Variants in PLCE1 observed in about 807,000 individuals in gnomAD.
The protein encoded by PLCE1 is phospholipase C epsilon 1.
Under a neutral mutation model 242.8 loss-of-function variants are expected in PLCE1, and 119 were observed. The ratio of observed to expected loss-of-function variants is 0.49; its 90% CI spans 0.42 to 0.57. The LOEUF (loss-of-function observed/expected upper bound fraction) is 0.57, where lower values mean the gene tolerates loss of function less well. Among genes scored for constraint, PLCE1 ranks in the 20% least tolerant of loss-of-function variants. The pLI, the probability that PLCE1 is intolerant of heterozygous loss-of-function variation, is 0.00. For synonymous variants in PLCE1, 945 were observed against 1,017.4 expected (o/e 0.93, Z 1.35); for missense variants, 2,441 against 2,788.8 (o/e 0.88, Z 2.81).
intron 1 of PLCE1, among the ~76,000 whole-genome samples, chr10:94,028,374 G>A (rs2061492954): frequency 6.6e-6 from 1 of 152,142 alleles, no homozygotes. Flanking sequence ...TTTCCACAGG[G>A]ATCTCTTCTT....
At chr10:94,227,481 G>C (rs1375751082) in intron 5 of PLCE1, 30 bp downstream of exon 5, 1 of 1,604,366 alleles carries the variant, frequency 6.2e-7, no homozygotes, top group Admixed American at 1.7e-5. Context: ...TGGTTATCTT[G>C]GCACAATCGC....
chr10:94,208,239 A>G (rs1460004409), intron 4 of PLCE1, among the ~76,000 whole-genome samples: 1 of 152,230 alleles, frequency 6.6e-6, no homozygotes, highest in Non-Finnish European at 1.5e-5. Flanking sequence ...AAAGTTCCAC[A>G]TCCTGTACCC....
At chr10:94,119,070 C>T (rs2046226344) in intron 2 of PLCE1, among the ~76,000 whole-genome samples, 1 of 152,196 alleles carries the variant, frequency 6.6e-6, no homozygotes, top group South Asian at 2.1e-4. Context: ...CTCGCCCACC[C>T]TGTGGGATGC....
chr10:94,324,847 C>T, intron 31 of PLCE1, 45 bp from the exon 32 acceptor site: 2 of 1,573,824 alleles, frequency 1.3e-6, no homozygotes, highest in Non-Finnish European at 1.7e-6. Flanking sequence ...GACAGAGGAA[C>T]CTGAGTTTAA....
intron 4 of PLCE1, among the ~76,000 whole-genome samples, chr10:94,214,632 G>A (rs973915368): frequency 4.6e-5 from 7 of 152,198 alleles, no homozygotes; most frequent in East Asian, 3.9e-4. Context: ...ATTCCCTTCC[G>A]CTCTGTCCTT....
At chr10:94,020,137 G>T (rs1032122390) in intron 1 of PLCE1, among the ~76,000 whole-genome samples, 21 of 152,288 alleles carry the variant, frequency 1.4e-4, no homozygotes, top group South Asian at 6.2e-4. Flanking sequence ...CAATGTTGCA[G>T]TTGCTCTATG....
intron 2 of PLCE1, among the ~76,000 whole-genome samples, chr10:94,072,927 G>A (rs2044401491): frequency 6.6e-6 from 1 of 152,084 alleles, no homozygotes; most frequent in African/African-American, 2.4e-5. Context: ...TGCTGATGGG[G>A]GAGAGGGTGT....
chr10:94,016,125 A>C (rs374265734), intron 1 of PLCE1, among the ~76,000 whole-genome samples: 173 of 152,236 alleles, frequency 1.1e-3, no homozygotes, highest in African/African-American at 3.9e-3. Flanking sequence ...ATTTTCCATG[A>C]TCGCCTCCTT....
chr10:94,051,095 C>T (rs976850605), intron 2 of PLCE1, among the ~76,000 whole-genome samples: 4 of 151,896 alleles, frequency 2.6e-5, no homozygotes, highest in African/African-American at 9.7e-5. Context: ...ACTACTTTTT[C>T]AGATTAAGGA....
At chr10:94,115,166 A>G (rs1028232939) in intron 2 of PLCE1, among the ~76,000 whole-genome samples, 1 of 151,694 alleles carries the variant, frequency 6.6e-6, no homozygotes, top group East Asian at 1.9e-4. Context: ...CCAGTCTATC[A>G]TTGTTGGACA....
At chr10:94,079,163 T>C (rs897526115) in intron 2 of PLCE1, among the ~76,000 whole-genome samples, 2 of 152,218 alleles carry the variant, frequency 1.3e-5, no homozygotes, top group Non-Finnish European at 1.5e-5. Context: ...CTCAAGGGGC[T>C]ACACTTGGAC....
chr10:94,179,533 CAG>C (rs2048241234), intron 4 of PLCE1, among the ~76,000 whole-genome samples: 1 of 6,436 alleles, frequency 1.6e-4, no homozygotes, highest in African/African-American at 3.5e-4. Context: ...TTTTTTTTGA[CAG>C]GGTCTCTGTT....
At position 94,234,143 on chromosome 10, in the gene PLCE1, A is replaced by G; in HGVS notation, c.2045A>G (p.Glu682Gly). 1 of 1,614,044 alleles carries G rather than the reference A, an allele frequency of 6.2e-7. No homozygotes were observed. The highest frequency in any genetic ancestry group is 1.1e-5 in the South Asian group (1 of 91,078). ...CTGAAGGATGCTATGGCCCAGCATGAGTCCTCTTGTGAGTACAGAAAGGTG... is the reference window on the plus strand; with the variant it reads ...CTGAAGGATGCTATGGCCCAGCATGGGTCCTCTTGTGAGTACAGAAAGGTG... ...RSLKDAMAQH[E>G]SSCEYRKVVT... is the part of the protein sequence containing the mutation. The change falls in exon 6 of 33, where the codon GAG (glutamate) becomes GGG (glycine). Residue 682 changes from glutamate to glycine, a missense_variant. By Grantham distance (98) the Glu-to-Gly change is moderately conservative (BLOSUM62 -2). This residue lies in a region of PLCE1 where 733 missense variants were observed against 754.2 expected (regional missense o/e 0.97). Transcript: ENST00000371380.
intron 3 of PLCE1, among the ~76,000 whole-genome samples, chr10:94,141,393 G>A (rs1479646397): frequency 6.6e-6 from 1 of 152,058 alleles, no homozygotes; most frequent in African/African-American, 2.4e-5. Context: ...CAAGAAACTA[G>A]CTTATGAAAG....
intron 28 of PLCE1, among the ~76,000 whole-genome samples, chr10:94,314,507 T>A (rs1320581002): frequency 6.6e-6 from 1 of 152,092 alleles, no homozygotes; most frequent in East Asian, 1.9e-4. Flanking sequence ...GGCAGGAGAA[T>A]CATTTGAACC....
intron 4 of PLCE1, among the ~76,000 whole-genome samples, chr10:94,226,916 T>C (rs2049965295): frequency 6.9e-6 from 1 of 143,906 alleles, no homozygotes; most frequent in South Asian, 2.3e-4. Context: ...CTCGGCTCGC[T>C]GCAACCTCTG....
At chr10:94,150,857 G>A (rs1423518682) in intron 3 of PLCE1, among the ~76,000 whole-genome samples, 1 of 152,176 alleles carries the variant, frequency 6.6e-6, no homozygotes, top group Non-Finnish European at 1.5e-5. Context: ...GTGAGTGAAG[G>A]TGCCCAGGAC....
At chr10:94,284,412 G>T (rs373383413) in intron 21 of PLCE1, among the ~76,000 whole-genome samples, 3 of 152,282 alleles carry the variant, frequency 2.0e-5, no homozygotes, top group East Asian at 3.9e-4. Context: ...GCAGAGGAAT[G>T]ACACTGAGAA....
chr10:94,287,657 C>T (rs2052502276), intron 22 of PLCE1, among the ~76,000 whole-genome samples: 2 of 151,798 alleles, frequency 1.3e-5, no homozygotes, highest in Admixed American at 1.3e-4. Flanking sequence ...TTTTTTCGAC[C>T]TGCTTTCTCT....
Sources: gnomAD v4.1 joint callset for allele counts (sites outside exome capture counted in the v4.1 genomes callset) on GRCh38, gnomAD v4.1.1 for gene constraint, gnomAD v4.1.1 regional missense constraint, MANE v1.5 for transcripts, NCBI Gene and HGNC (gene_info 2026-07-23, HGNC 2026-07-21) for gene names.